CCND3: variants seen among roughly 807,000 people sequenced by gnomAD.
CCND3 encodes G1/S-specific cyclin-D3.
In CCND3, 9 loss-of-function variants were observed where a neutral mutation model predicts 28.7. The ratio of observed to expected loss-of-function variants is 0.31; its 90% CI spans 0.19 to 0.55. The LOEUF is 0.55. Ranked by LOEUF, CCND3 falls within the 20% of genes least tolerant of loss-of-function variation. CCND3 has a pLI of 0.93. For missense variants in CCND3, 315 were observed against 385.8 expected, an observed-to-expected ratio of 0.82 and a Z score of 1.54; for synonymous variants, 164 against 163.9, an observed-to-expected ratio of 1.00 and a Z score of 0.00.
intron 1 of CCND3, among the ~76,000 whole-genome samples, chr6:42,042,561 T>G (rs75013041): frequency 1.7e-4 from 26 of 152,140 alleles, no homozygotes; most frequent in Non-Finnish European, 3.5e-4. Flanking sequence ...GGTTTCTCCA[T>G]GTCGGTCAGG....
intron 1 of CCND3, 35 bp from the exon 2 acceptor site, chr6:41,940,620 A>C: frequency 7.0e-7 from 1 of 1,425,646 alleles, no homozygotes; most frequent in Non-Finnish European, 9.7e-7. Context: ...CTGGGTCTGG[A>C]GCGTGGGGAA....
intron 1 of CCND3, chr6:42,010,988 T>TTCA (rs1763330138): frequency 6.6e-6 from 1 of 151,754 alleles, no homozygotes; most frequent in Admixed American, 6.6e-5. Context: ...ACTTCAGGAG[T>TTCA]TCATCCAAGC....
At chr6:41,986,049 G>A (rs1378516223) in intron 1 of CCND3, among the ~76,000 whole-genome samples, 2 of 152,002 alleles carry the variant, frequency 1.3e-5, no homozygotes, top group African/African-American at 2.4e-5. Flanking sequence ...TATCCCCAGT[G>A]TGCATACATG....
At chr6:41,964,422 ATGT>A (rs1761808234) in intron 1 of CCND3, among the ~76,000 whole-genome samples, 2 of 131,158 alleles carry the variant, frequency 1.5e-5, no homozygotes, top group South Asian at 5.0e-4. Flanking sequence ...CTGTGTGTGA[ATGT>A]GTTTGTGTGT....
At chr6:41,976,006 C>G (rs1283478552) in intron 1 of CCND3, among the ~76,000 whole-genome samples, 1 of 151,942 alleles carries the variant, frequency 6.6e-6, no homozygotes, top group African/African-American at 2.4e-5. Context: ...AAGTTCAAGA[C>G]CAAGCCTGGG....
At chr6:41,949,439 A>G (rs1425296140) in intron 1 of CCND3, among the ~76,000 whole-genome samples, 1 of 152,162 alleles carries the variant, frequency 6.6e-6, no homozygotes, top group Non-Finnish European at 1.5e-5. Context: ...CAGGAGGCAG[A>G]GGTTGCAGTG....
chr6:41,966,256 G>C (rs763090219), intron 1 of CCND3, among the ~76,000 whole-genome samples: 4 of 152,068 alleles, frequency 2.6e-5, no homozygotes, highest in South Asian at 2.1e-4. Context: ...AGAGATATCC[G>C]AGCTCCACAA....
chr6:42,000,234 C>CGTTT (rs1762951898), intron 1 of CCND3, among the ~76,000 whole-genome samples: 2 of 51,010 alleles, frequency 3.9e-5, no homozygotes, highest in Non-Finnish European at 6.3e-5. Context: ...TGAAAACATA[C>CGTTT]TTTTTTTTTT....
At chr6:42,006,551 A>G (rs1419853100) in intron 1 of CCND3, among the ~76,000 whole-genome samples, 1 of 152,170 alleles carries the variant, frequency 6.6e-6, no homozygotes, top group Non-Finnish European at 1.5e-5. Flanking sequence ...AAAAAAAACA[A>G]CTTCATTATT....
chr6:41,972,545 C>T (rs1762064266), intron 1 of CCND3, among the ~76,000 whole-genome samples: 1 of 152,098 alleles, frequency 6.6e-6, no homozygotes, highest in Non-Finnish European at 1.5e-5. Flanking sequence ...CTTAAAGCCT[C>T]CTTTTCCTCC....
At chr6:41,942,621 G>C (rs1048484632), upstream of CCND3, among the ~76,000 whole-genome samples, 6 of 152,244 alleles carry the variant, frequency 3.9e-5, no homozygotes, top group African/African-American at 1.2e-4. Context: ...TGTGGACGGA[G>C]AAACTAGATT....
Position 41,938,812 on chromosome 6 carries a change from A to T in CCND3, c.415-1418T>A, listed in dbSNP as rs909262811. 6.6e-6 allele frequency among the ~76,000 whole-genome samples: 1 copy of T among 152,154 alleles called. No individual in the cohort carries two copies. The highest frequency in any genetic ancestry group is 2.4e-5 in the African/African-American group (1 of 41,412). On this transcript the variant is annotated intron_variant, in intron 2 of 4. Transcript: ENST00000372991. The surrounding 1 kb of genome is among the most constrained non-coding windows in gnomAD (Gnocchi z 4.6). ...CTGCTCAGTGCGATGCTGAGGCAGG[A>T]CCTTGCCCTCCTTCCTTGGGCCTCA...
intron 1 of CCND3, among the ~76,000 whole-genome samples, chr6:41,963,889 C>T (rs1180219420): frequency 6.6e-6 from 1 of 152,198 alleles, no homozygotes; most frequent in African/African-American, 2.4e-5. Flanking sequence ...TTCCTCACTT[C>T]CCTCAGTCTC....
chr6:41,982,718 G>A lies in CCND3; in HGVS notation c.-45-42133C>T, dbSNP rs1762382558. Among the ~76,000 whole-genome samples, 4 of 152,002 alleles carry A rather than the reference G, an allele frequency of 2.6e-5. No homozygotes were observed. In the South Asian group the frequency reaches 8.3e-4, roughly 32 times the overall value. On this transcript the variant is annotated intron_variant, in intron 1 of 4. Transcript: ENST00000372988. ...ACAGTAATCACGACAGTGTGGTATTGGCAAAAGACTCGACAAATAGATCAA... is the reference window on the plus strand; with the variant it reads ...ACAGTAATCACGACAGTGTGGTATTAGCAAAAGACTCGACAAATAGATCAA...
chr6:41,998,756 C>T (rs184068819), intron 1 of CCND3, among the ~76,000 whole-genome samples: 93 of 151,946 alleles, frequency 6.1e-4, no homozygotes, highest in Middle Eastern at 3.4e-3. Context: ...CTTGCCTCAC[C>T]GCAACCTCTG....
rs1377305475 is a variant in CCND3, at chr6:41,935,905, C to G, written c.*35G>C. On this transcript the variant is annotated 3_prime_UTR_variant, in exon 5 of 5. Transcript: ENST00000372991. Reference sequence around the variant, plus strand: ...GAGGTGGGTGGCAGCGGCCCCTCCTCTGCTTAGTGGCCACTCCAGAGGGCC... The same window carrying G: ...GAGGTGGGTGGCAGCGGCCCCTCCTGTGCTTAGTGGCCACTCCAGAGGGCC... 1 of 1,584,282 alleles carries G rather than the reference C, an allele frequency of 6.3e-7. No homozygotes were observed. The highest frequency in any genetic ancestry group is 8.6e-7 in the Non-Finnish European group (1 of 1,164,686).
intron 1 of CCND3, among the ~76,000 whole-genome samples, chr6:41,987,556 T>TGTG (rs1322227221): frequency 6.8e-6 from 1 of 147,162 alleles, no homozygotes; most frequent in Non-Finnish European, 1.5e-5. Flanking sequence ...TGTGTGTGTG[T>TGTG]TTTAGAGACA....
chr6:42,009,730 C>T (rs1387563633), intron 1 of CCND3, among the ~76,000 whole-genome samples: 2 of 152,166 alleles, frequency 1.3e-5, no homozygotes, highest in Non-Finnish European at 2.9e-5. Context: ...TCGCTTGAAC[C>T]CAGGAGGTGG....
intron 1 of CCND3, among the ~76,000 whole-genome samples, chr6:42,000,266 C>G (rs2127421001): frequency 1.9e-4 from 1 of 5,390 alleles, no homozygotes; most frequent in Non-Finnish European, 3.2e-4. Flanking sequence ...TTTTTTGGGA[C>G]AGAGTCTCTG....
Sources: allele counts gnomAD v4.1 joint callset (sites outside exome capture counted in the v4.1 genomes callset), GRCh38; gene constraint gnomAD v4.1.1; non-coding constraint Gnocchi (gnomAD v3.1); transcripts MANE v1.5; gene names NCBI Gene and HGNC (gene_info 2026-07-23, HGNC 2026-07-21).